KLHL38: variants seen among roughly 807,000 people sequenced by gnomAD.
KLHL38 encodes kelch-like protein 38.
In KLHL38, 38 loss-of-function variants were observed where a neutral mutation model predicts 39.6. That is an observed-to-expected ratio of 0.96 (90% CI 0.74 to 1.26). KLHL38 has a LOEUF of 1.26. Among genes scored for constraint, KLHL38 ranks in the 50% most tolerant of loss-of-function variants. KLHL38 has a pLI of 0.00. For synonymous variants in KLHL38, 322 were observed against 302.2 expected (o/e 1.07, Z -0.68); for missense variants, 803 against 748.1 (o/e 1.07, Z -0.86).
intron 3 of KLHL38, 109 bp downstream of exon 3, chr8:123,646,800 T>C: frequency 1.5e-6 from 1 of 681,856 alleles, no homozygotes; most frequent in South Asian, 2.2e-5. Context: ...TGGTTGGATG[T>C]GCTTTTGAAA....
In KLHL38 at chr8:123,651,864, T is replaced by C. The variant is rs1311044299; in HGVS notation, c.1063A>G (p.Ile355Val). The change falls in exon 2 of 4, where the codon ATC becomes GTC. Residue 355 changes from isoleucine (I) to valine (V), a missense_variant. Physicochemically the swap from Ile to Val is conservative, Grantham distance 29. Coordinates refer to ENST00000684634, the MANE Select transcript of KLHL38 (RefSeq NM_001081675.3). The part of the protein sequence containing the change: ...GRSLVSHNVY[I>V]FSLKLNQWRL... The stretch of plus-strand genomic sequence containing the variant: ...CACTGATTGAGTTTCAGGGAGAAGA[T>C]GTAGACATTGTGACTGACCAGACTC... 10 of 1,614,158 alleles carry C rather than the reference T, an allele frequency of 6.2e-6. No individual in the cohort carries two copies. The South Asian group carries it at 7.7e-5, about 12-fold the overall frequency.
In KLHL38 at chr8:123,652,087, G is replaced by T. The variant is rs1587055102; in HGVS notation, c.840C>A (p.Asn280Lys). The T allele has an allele frequency of 6.2e-7, 1 of 1,614,228 alleles. No homozygotes were observed. The highest frequency in any genetic ancestry group is 1.3e-5 in the African/African-American group (1 of 75,050). Residue 280 changes from asparagine (N) to lysine (K), a missense_variant, in exon 2 of 4, where the codon AAC (asparagine) becomes AAA (lysine). Transcript: ENST00000684634. ...AGAGGATGAGGAAATCTTGGTAAGA[G>T]TTTCTTGGAGGGACATGCAACAGGA... Reference protein sequence around the residue: ...CKLLLHVPPRNSYQDFLILLG... With the variant: ...CKLLLHVPPRKSYQDFLILLG...
Position 123,652,167 on chromosome 8 carries a change from T to C in KLHL38, c.760A>G (p.Thr254Ala). 6.2e-7 allele frequency: 1 copy of C among 1,614,016 alleles called. No homozygotes were observed. The highest frequency in any genetic ancestry group is 8.5e-7 in the Non-Finnish European group (1 of 1,179,982). The change falls in exon 2 of 4, where the codon ACC becomes GCC. Residue 254 changes from threonine to alanine, a missense_variant. Transcript: ENST00000684634. ...AAAGAGAACATCTGTCTCTTGGCGGTCTCCAAGATGATCTGGCATGCAGGC... is the reference window on the plus strand; with the variant it reads ...AAAGAGAACATCTGTCTCTTGGCGGCCTCCAAGATGATCTGGCATGCAGGC... ...SSPACQIILE[T>A]AKRQMFSLCG...
Position 123,645,381 on chromosome 8 carries a change from G to A in KLHL38, c.*358C>T. The A allele has an allele frequency of 4.3e-6, 1 of 233,070 alleles. No individual in the cohort carries two copies. Among genetic ancestry groups the A allele is most frequent in the Non-Finnish European group, 8.4e-6 (1 of 118,662 alleles). 14.4% of individuals were successfully genotyped at this position (233,070 alleles called of 1,614,324 possible). A position where few individuals can be genotyped will look rare whatever the true frequency, so the allele number is the denominator to read the frequency against. On this transcript the variant is annotated 3_prime_UTR_variant, in exon 4 of 4. Transcript: ENST00000684634. ...GAACCTGGGAGGTGGGGGTTTCAGT[G>A]AGCTGAGATAGCACCACTGCACTCC...
Position 123,652,931 on chromosome 8 carries a change from CA to C in KLHL38, c.-1-5del, listed in dbSNP as rs368435242. Reference sequence around the variant, plus strand: ...ATCTAGTGACTCCTCGTCCATCCTACAAAGAGGGAAGGAAGCCCCCAGAGTC... The same window carrying C: ...ATCTAGTGACTCCTCGTCCATCCTACAAGAGGGAAGGAAGCCCCCAGAGTC... On this transcript the variant is annotated splice_polypyrimidine_tract_variant and splice_region_variant and intron_variant, in intron 1 of 3. Transcript: ENST00000684634. 546 of 1,581,806 alleles carry C rather than the reference CA, an allele frequency of 3.5e-4. 1 individual carries two copies. The African/African-American group carries it at 6.5e-3, about 19-fold the overall frequency.
At chr8:123,653,146 A>C (rs924903306) in intron 1 of KLHL38, among the ~76,000 whole-genome samples, 8 of 152,228 alleles carry the variant, frequency 5.3e-5, no homozygotes, top group Non-Finnish European at 1.0e-4. Context: ...TTATTTTCAA[A>C]AGTAATAGGC....
Position 123,652,617 on chromosome 8 carries a change from C to T in KLHL38, c.310G>A (p.Val104Ile). The T allele has an allele frequency of 3.7e-6, 6 of 1,614,228 alleles. No individual in the cohort carries two copies. The highest frequency in any genetic ancestry group is 5.1e-6 in the Non-Finnish European group (6 of 1,180,038). ...GAGGCGGCCTCCATCACGGGGAGGA[C>T]ATTGTCAGTGGCAATATGTGCCTCC... ...TGEAHIATDN[V>I]LPVMEAASML... Residue 104 changes from valine to isoleucine, a missense_variant, in exon 2 of 4, where the codon GTC (valine) becomes ATC (isoleucine). By Grantham distance (29) the Val-to-Ile change is conservative (BLOSUM62 3). Coordinates refer to ENST00000684634, the MANE Select transcript of KLHL38 (RefSeq NM_001081675.3).
chr8:123,650,688 G>A (rs1478365454), intron 2 of KLHL38, among the ~76,000 whole-genome samples: 2 of 152,138 alleles, frequency 1.3e-5, no homozygotes, highest in Non-Finnish European at 2.9e-5. Context: ...CCTTTATTGA[G>A]CATACTTCTC....
rs1345550165 is a variant in KLHL38 at position 123,653,602 on chromosome 8, G to C, written c.-18C>G. On this transcript the variant is annotated 5_prime_UTR_variant, in exon 1 of 4. An upstream open reading frame in the 5' UTR gains an earlier in-frame stop. Transcript: ENST00000684634. Reference sequence around the variant, plus strand: ...GACACTTACCTTGTTTTGCTGCGGTGACATCCACTGGTGCCTGGTCTGACT... The same window carrying C: ...GACACTTACCTTGTTTTGCTGCGGTCACATCCACTGGTGCCTGGTCTGACT... Among the ~76,000 whole-genome samples the C allele has an allele frequency of 6.6e-6, 1 of 152,214 alleles. No individual in the cohort carries two copies. The highest frequency in any genetic ancestry group is 1.5e-5 in the Non-Finnish European group (1 of 68,036).
At chr8:123,653,005 G>A (rs1246026719) in intron 1 of KLHL38, 78 bp from the exon 2 acceptor site, 3 of 1,415,244 alleles carry the variant, frequency 2.1e-6, no homozygotes, top group Non-Finnish European at 2.8e-6. Flanking sequence ...GGGTTCAGCT[G>A]TGGGGACTCC....
chr8:123,651,430 G>A (rs1441886509), intron 2 of KLHL38, 147 bp downstream of exon 2: 1 of 819,074 alleles, frequency 1.2e-6, no homozygotes, highest in Non-Finnish European at 1.9e-6. Flanking sequence ...ATGTGTGTTT[G>A]TGTATATGTG....
chr8:123,645,998 G>A lies in KLHL38; in HGVS notation c.1487C>T (p.Pro496Leu), dbSNP rs1456175092. Reference protein sequence around the residue: ...GYTRRILAYDPQSNKFVKCAD... With the variant: ...GYTRRILAYDLQSNKFVKCAD... ...ACATTTGACAAATTTGTTGGATTGA[G>A]GGTCATAAGCAAGAATCCTCCTTGT... The change falls in exon 4 of 4, where the codon CCT becomes CTT. Residue 496 changes from proline to leucine, a missense_variant. Coordinates refer to ENST00000684634, the MANE Select transcript of KLHL38 (RefSeq NM_001081675.3). The A allele has an allele frequency of 1.2e-6, 2 of 1,614,068 alleles. No individual in the cohort carries two copies. Among genetic ancestry groups the A allele is most frequent in the Non-Finnish European group, 8.5e-7 (1 of 1,180,034 alleles).
In KLHL38 at chr8:123,645,927, CCAT is replaced by C. The variant is rs1563591514; in HGVS notation, c.1555_1557del (p.Met519del). ...CCGCCCGTCACGTAGAGTTTGTTTCCCATCACTGTGGCCCCATGGTGCATCCTC... is the reference window on the plus strand; with the variant it reads ...CCGCCCGTCACGTAGAGTTTGTTTCCCACTGTGGCCCCATGGTGCATCCTC... On this transcript the variant is annotated inframe_deletion, in exon 4 of 4. Coordinates refer to ENST00000684634, the MANE Select transcript of KLHL38 (RefSeq NM_001081675.3). The C allele has an allele frequency of 2.5e-6, 4 of 1,614,112 alleles. No individual in the cohort carries two copies. The East Asian group carries it at 8.9e-5, about 36-fold the overall frequency.
chr8:123,649,977 C>G (rs1587053098), intron 2 of KLHL38, among the ~76,000 whole-genome samples: 1 of 152,140 alleles, frequency 6.6e-6, no homozygotes, highest in African/African-American at 2.4e-5. Context: ...CAAGAGAGAA[C>G]TCTGACTCCG....
chr8:123,653,024 T>G (rs1812689276), intron 1 of KLHL38, 97 bp from the exon 2 acceptor site: 1 of 1,218,274 alleles, frequency 8.2e-7, no homozygotes, highest in Non-Finnish European at 1.1e-6. Flanking sequence ...CCAAGACCAG[T>G]GCTCCTATTC....
In KLHL38 at chr8:123,645,477, G is replaced by GAGAGAGAGAGAGAC. The variant is rs763692107; in HGVS notation, c.*261_*262insGTCTCTCTCTCTCT. The GAGAGAGAGAGAGAC allele has an allele frequency of 1.5e-4, 73 of 475,098 alleles. No homozygotes were observed. The African/African-American group carries it at 1.6e-3, about 10-fold the overall frequency. 29.4% of individuals were successfully genotyped at this position (475,098 alleles called of 1,614,324 possible). A position where few individuals can be genotyped will look rare whatever the true frequency, so the allele number is the denominator to read the frequency against. ...AGAGAGAGAGAGAGAGAGAGAGAGA[G>GAGAGAGAGAGAGAC]AGACAGACAGAGATAGGGGAGAGAA... On this transcript the variant is annotated 3_prime_UTR_variant, in exon 4 of 4. Transcript: ENST00000684634.
In KLHL38 at chr8:123,652,105, C is replaced by G. The variant is rs377642171; in HGVS notation, c.822G>C (p.Leu274Phe). Residue 274 changes from leucine (L) to phenylalanine (F), a missense_variant, in exon 2 of 4, where the codon TTG becomes TTC. Coordinates refer to ENST00000684634, the MANE Select transcript of KLHL38 (RefSeq NM_001081675.3). ...GTTVPDCKLL[L>F]HVPPRNSYQD... is the part of the protein sequence containing the mutation. ...GGTAAGAGTTTCTTGGAGGGACATG[C>G]AACAGGAGTTTGCAGTCTGGGACGG... 10 of 1,614,202 alleles carry G rather than the reference C, an allele frequency of 6.2e-6. No individual in the cohort carries two copies. The highest frequency in any genetic ancestry group is 7.6e-6 in the Non-Finnish European group (9 of 1,180,038).
At position 123,651,831 on chromosome 8, in the gene KLHL38, C is replaced by G; in HGVS notation, c.1096G>C (p.Gly366Arg). 3.1e-6 allele frequency: 5 copies of G among 1,614,198 alleles called. No individual in the cohort carries two copies. Among genetic ancestry groups the G allele is most frequent in the East Asian group, 2.2e-5 (1 of 44,876 alleles). Residue 366 changes from glycine to arginine, a missense_variant, in exon 2 of 4, where the codon GGG (glycine) becomes CGG (arginine). By Grantham distance (125) the Gly-to-Arg change is moderately radical (BLOSUM62 -2). Coordinates refer to ENST00000684634, the MANE Select transcript of KLHL38 (RefSeq NM_001081675.3). The part of the protein sequence containing the change: ...FSLKLNQWRL[G>R]EPMLVARYSH... Reference sequence around the variant, plus strand: ...TAGCGGGCCACCAGCATGGGCTCCCCCAGCCTCCACTGATTGAGTTTCAGG... The same window carrying G: ...TAGCGGGCCACCAGCATGGGCTCCCGCAGCCTCCACTGATTGAGTTTCAGG...
At position 123,651,949 on chromosome 8, in the gene KLHL38, A is replaced by T; in HGVS notation, c.978T>A (p.Ser326=). The change falls in exon 2 of 4, where the codon TCT becomes TCA. Residue 326 remains serine, a synonymous_variant. Transcript: ENST00000684634. ...AGATGCTGCGGTGCAAGGTGATGGCAGAGGCCTTGTACAGCCGTGTCGGGA... is the reference window on the plus strand; with the variant it reads ...AGATGCTGCGGTGCAAGGTGATGGCTGAGGCCTTGTACAGCCGTGTCGGGA... The part of the protein sequence containing the change: ...AKLPTRLYKA[S]AITLHRSIYV... 6.2e-7 allele frequency: 1 copy of T among 1,614,262 alleles called. No homozygotes were observed. The highest frequency in any genetic ancestry group is 2.2e-5 in the East Asian group (1 of 44,888).
Sources: gnomAD v4.1 joint callset for allele counts (sites outside exome capture counted in the v4.1 genomes callset) on GRCh38, gnomAD v4.1.1 for gene constraint, MANE v1.5 for transcripts, NCBI Gene and HGNC (gene_info 2026-07-23, HGNC 2026-07-21) for gene names.